LIMD2: variants seen among roughly 807,000 people sequenced by gnomAD.
The protein encoded by LIMD2 is LIM domain-containing protein 2.
A neutral mutation model predicts 16.0 loss-of-function variants in LIMD2; 11 were observed. That is an observed-to-expected ratio of 0.69 (90% CI 0.43 to 1.14). The LOEUF is 1.14. Among genes scored for constraint, LIMD2 ranks in the 50% most tolerant of loss-of-function variants. LIMD2 has a pLI of 0.00. For missense variants in LIMD2, 168 were observed against 165.8 expected (o/e 1.01, Z -0.07); for synonymous variants, 60 against 67.1 (o/e 0.89, Z 0.52).
At chr17:63,700,128 C>T (rs1294457473), upstream of LIMD2, 1 of 984,772 alleles carries the variant, frequency 1.0e-6, no homozygotes, top group Non-Finnish European at 1.2e-6. This position sits in a 1 kb window ranked among gnomAD's most constrained non-coding sequence, Gnocchi z 7.1. Flanking sequence ...CAGTGGTCCC[C>T]GAGCCACCGC....
In LIMD2 at chr17:63,698,294, G is replaced by A; in HGVS notation, c.*258C>T. On this transcript the variant is annotated 3_prime_UTR_variant, in exon 5 of 5. Transcript: ENST00000259006. The stretch of plus-strand genomic sequence containing the variant: ...GGGGCCTCCCAGGGGGTCCTGGGGT[G>A]AGGTGGGGAGGGAGGCTGAACGAAG... The A allele has an allele frequency of 1.9e-6, 1 of 530,824 alleles. No homozygotes were observed. Among genetic ancestry groups the A allele is most frequent in the Non-Finnish European group, 3.4e-6 (1 of 297,252 alleles). 32.9% of individuals were successfully genotyped at this position (530,824 alleles called of 1,614,324 possible). A position where few individuals can be genotyped will look rare whatever the true frequency, so the allele number is the denominator to read the frequency against.
At position 63,699,544 on chromosome 17, in the gene LIMD2, G is replaced by A. The variant is rs943986276; in HGVS notation, c.-50-196C>T. 24 of 526,030 alleles carry A rather than the reference G, an allele frequency of 4.6e-5. No homozygotes were observed. In the East Asian group the frequency reaches 8.1e-4, roughly 18 times the overall value. 32.6% of individuals were successfully genotyped at this position (526,030 alleles called of 1,614,324 possible). The stretch of plus-strand genomic sequence containing the variant: ...CTCCCCAGGGGCCGGGGTCCCGAGT[G>A]GCACCGTCCCTCGGAAGAACAAAGT... On this transcript the variant is annotated intron_variant, in intron 1 of 4. Coordinates refer to ENST00000259006, the MANE Select transcript of LIMD2 (RefSeq NM_030576.4).
chr17:63,699,226 G>T, intron 2 of LIMD2, 31 bp downstream of exon 2: 1 of 1,609,216 alleles, frequency 6.2e-7, no homozygotes, highest in Non-Finnish European at 8.5e-7. Flanking sequence ...GCTCCTGTCC[G>T]GGGGGCCCTC....
In LIMD2 at chr17:63,698,704, T is replaced by C. The variant is rs747754379; in HGVS notation, c.232A>G (p.Ser78Gly). The change falls in exon 5 of 5, where the codon AGC becomes GGC. Residue 78 changes from serine (S) to glycine (G), a missense_variant. By Grantham distance (56) the Ser-to-Gly change is moderately conservative (BLOSUM62 0). Transcript: ENST00000259006. ...AACTCCCCGTGCAGCGCGGCGTAGC[T>C]GCCCAGGCTGCAGAAGCCAAACAAC... ...KHCHTKLSLGSYAALHGEFYC... is the reference protein window; with the variant it reads ...KHCHTKLSLGGYAALHGEFYC... 1 of 1,606,330 alleles carries C rather than the reference T, an allele frequency of 6.2e-7. No individual in the cohort carries two copies. The highest frequency in any genetic ancestry group is 8.5e-7 in the Non-Finnish European group (1 of 1,176,614).
Position 63,700,078 on chromosome 17 carries a change from C to G in LIMD2, c.-97G>C. ...GGCGGGATCGGTCTCCGGGGGCGCA[C>G]GGGTACGAGGAGGGCGCGGGCGCGA... On this transcript the variant is annotated 5_prime_UTR_variant, in exon 1 of 5. Transcript: ENST00000259006. This position sits in a 1 kb window ranked among gnomAD's most constrained non-coding sequence, Gnocchi z 7.1. 1 of 984,592 alleles carries G rather than the reference C, an allele frequency of 1.0e-6. No individual in the cohort carries two copies. The allele number at this position is 984,592 out of a possible 1,614,324, so 61.0% of individuals were successfully genotyped here.
Position 63,697,605 on chromosome 17 carries a change from C to T in LIMD2, c.*947G>A, listed in dbSNP as rs909724820. 3 of 152,262 alleles carry T rather than the reference C, an allele frequency of 2.0e-5. No individual in the cohort carries two copies. Among genetic ancestry groups the T allele is most frequent in the Non-Finnish European group, 4.4e-5 (3 of 68,112 alleles). 9.4% of individuals were successfully genotyped at this position (152,262 alleles called of 1,614,324 possible). The stretch of plus-strand genomic sequence containing the variant: ...TGAGGTGGAGTTTCAGTTCCAAAAC[C>T]ACTGTGGGTGTGACAGCATGAAGCC... On this transcript the variant is annotated 3_prime_UTR_variant, in exon 5 of 5. Coordinates refer to ENST00000259006, the MANE Select transcript of LIMD2 (RefSeq NM_030576.4).
chr17:63,699,817 A>G (rs2035758443), intron 1 of LIMD2: 1 of 659,424 alleles, frequency 1.5e-6, no homozygotes, highest in Non-Finnish European at 1.8e-6. Context: ...CCCCGCGAGG[A>G]CCGGACCCCA....
At position 63,698,636 on chromosome 17, in the gene LIMD2, G is replaced by C. The variant is rs1019657276; in HGVS notation, c.300C>G (p.Gly100=). 6.2e-7 allele frequency: 1 copy of C among 1,613,894 alleles called. No individual in the cohort carries two copies. The highest frequency in any genetic ancestry group is 8.5e-7 in the Non-Finnish European group (1 of 1,180,028). The change falls in exon 5 of 5, where the codon GGC becomes GGG. Residue 100 remains glycine, a synonymous_variant. Transcript: ENST00000259006. ...PHFQQLFKSK[G]NYDEGFGRKQ... The stretch of plus-strand genomic sequence containing the variant: ...TGCGGCCAAACCCCTCGTCGTAGTT[G>C]CCTTTGCTCTTAAACAGCTGCTGGA...
rs376579306 is a variant in LIMD2, at chr17:63,698,665, G to A, written c.271C>T (p.His91Tyr). 15 of 1,613,668 alleles carry A rather than the reference G, an allele frequency of 9.3e-6. No homozygotes were observed. The African/African-American group carries it at 1.9e-4, about 20-fold the overall frequency. Residue 91 changes from histidine to tyrosine, a missense_variant, in exon 5 of 5, where the codon CAC (histidine) becomes TAC (tyrosine). Physicochemically the swap from His to Tyr is moderately conservative, Grantham distance 83. Transcript: ENST00000259006. ...TTGCTCTTAAACAGCTGCTGGAAGTGGGGTTTGCAGTAGAACTCCCCGTGC... is the reference window on the plus strand; with the variant it reads ...TTGCTCTTAAACAGCTGCTGGAAGTAGGGTTTGCAGTAGAACTCCCCGTGC... ...ALHGEFYCKP[H>Y]FQQLFKSKGN...
At chr17:63,700,270 C>T (rs911662609), upstream of LIMD2, 25 of 558,904 alleles carry the variant, frequency 4.5e-5, no homozygotes, top group Admixed American at 5.8e-4. The surrounding 1 kb of genome is among the most constrained non-coding windows in gnomAD (Gnocchi z 7.1). Flanking sequence ...CTTTGTCTTC[C>T]CCTCGCCGCC....
rs1218624616 is a variant in LIMD2, at chr17:63,698,020, G to A, written c.*532C>T. ...GGCAGGCCCTGCCTTGCCCTGCAGA[G>A]GCAGGGTGGCTCCACTTCCCCATCT... On this transcript the variant is annotated 3_prime_UTR_variant, in exon 5 of 5. Coordinates refer to ENST00000259006, the MANE Select transcript of LIMD2 (RefSeq NM_030576.4). The A allele has an allele frequency of 6.3e-6, 1 of 157,956 alleles. No individual in the cohort carries two copies. Among genetic ancestry groups the A allele is most frequent in the African/African-American group, 2.4e-5 (1 of 41,492 alleles). The allele number at this position is 157,956 out of a possible 1,614,324, so 9.8% of individuals were successfully genotyped here.
chr17:63,699,848 C>T (rs1402256168), intron 1 of LIMD2, 184 bp downstream of exon 1: 1 of 984,200 alleles, frequency 1.0e-6, no homozygotes, highest in East Asian at 1.1e-4. Context: ...CCGCGAGCCC[C>T]GCCAGCGGGT....
intron 3 of LIMD2, 42 bp from the exon 4 acceptor site, chr17:63,698,980 C>T: frequency 6.2e-7 from 1 of 1,611,176 alleles, no homozygotes; most frequent in Non-Finnish European, 8.5e-7. Context: ...AGTGCTCATC[C>T]CGCTCCCTCA....
chr17:63,699,106 G>T, intron 2 of LIMD2, 37 bp from the exon 3 acceptor site: 1 of 1,586,416 alleles, frequency 6.3e-7, no homozygotes, highest in Non-Finnish European at 8.6e-7. Context: ...GGGCAGCTCC[G>T]GGAGGCCCTG....
At position 63,699,356 on chromosome 17, in the gene LIMD2, G is replaced by A. The variant is rs2035748511; in HGVS notation, c.-50-8C>T. The A allele has an allele frequency of 6.4e-7, 1 of 1,555,338 alleles. No individual in the cohort carries two copies. The highest frequency in any genetic ancestry group is 2.3e-5 in the East Asian group (1 of 43,832). The stretch of plus-strand genomic sequence containing the variant: ...AGCGGCACCCGCTGGGTTCTGCAAG[G>A]GGAAGTCAGTCGGGAGGGCCCCGCC... On this transcript the variant is annotated splice_polypyrimidine_tract_variant and splice_region_variant and intron_variant, in intron 1 of 4. Transcript: ENST00000259006.
Position 63,698,180 on chromosome 17 carries a change from C to T in LIMD2, c.*372G>A. On this transcript the variant is annotated 3_prime_UTR_variant, in exon 5 of 5. Coordinates refer to ENST00000259006, the MANE Select transcript of LIMD2 (RefSeq NM_030576.4). ...GGGAGACGTGGGGGCCACACAGTCT[C>T]CGGTGGCAGTGAGGGAGCTTGGGAC... 1 of 260,940 alleles carries T rather than the reference C, an allele frequency of 3.8e-6. No individual in the cohort carries two copies. Among genetic ancestry groups the T allele is most frequent in the Non-Finnish European group, 7.5e-6 (1 of 132,730 alleles). 16.2% of individuals were successfully genotyped at this position (260,940 alleles called of 1,614,324 possible).
rs781293261 is a variant in LIMD2 at position 63,698,540 on chromosome 17, G to A, written c.*12C>T. The stretch of plus-strand genomic sequence containing the variant: ...AGGCCTTCCGCAGAGGGGGTGGAAG[G>A]TTACAGAGGCCTCAGGCCGTCTTGG... On this transcript the variant is annotated 3_prime_UTR_variant, in exon 5 of 5. Coordinates refer to ENST00000259006, the MANE Select transcript of LIMD2 (RefSeq NM_030576.4). 3 of 1,612,904 alleles carry A rather than the reference G, an allele frequency of 1.9e-6. No individual in the cohort carries two copies. Among genetic ancestry groups the A allele is most frequent in the Non-Finnish European group, 2.5e-6 (3 of 1,179,770 alleles).
chr17:63,698,650 A>G lies in LIMD2; in HGVS notation c.286T>C (p.Phe96Leu). Residue 96 changes from phenylalanine to leucine, a missense_variant, in exon 5 of 5, where the codon TTT (phenylalanine) becomes CTT (leucine). Coordinates refer to ENST00000259006, the MANE Select transcript of LIMD2 (RefSeq NM_030576.4). ...FYCKPHFQQL[F>L]KSKGNYDEGF... Reference sequence around the variant, plus strand: ...TCGTCGTAGTTGCCTTTGCTCTTAAACAGCTGCTGGAAGTGGGGTTTGCAG... The same window carrying G: ...TCGTCGTAGTTGCCTTTGCTCTTAAGCAGCTGCTGGAAGTGGGGTTTGCAG... 1 of 1,613,750 alleles carries G rather than the reference A, an allele frequency of 6.2e-7. No homozygotes were observed. Among genetic ancestry groups the G allele is most frequent in the Non-Finnish European group, 8.5e-7 (1 of 1,179,986 alleles).
rs904813604 is a variant in LIMD2 at position 63,697,912 on chromosome 17, A to G, written c.*640T>C. ...GAGTGGGGCCGCACCAGCCCCTGCC[A>G]GTGCCTGAGGCTGCAGCCTGGCGAG... On this transcript the variant is annotated 3_prime_UTR_variant, in exon 5 of 5. Coordinates refer to ENST00000259006, the MANE Select transcript of LIMD2 (RefSeq NM_030576.4). 3 of 153,136 alleles carry G rather than the reference A, an allele frequency of 2.0e-5. No individual in the cohort carries two copies. Among genetic ancestry groups the G allele is most frequent in the Admixed American group, 6.5e-5 (1 of 15,354 alleles). The allele number at this position is 153,136 out of a possible 1,614,324, so 9.5% of individuals were successfully genotyped here. A position where few individuals can be genotyped will look rare whatever the true frequency, so the allele number is the denominator to read the frequency against.
Sources: gnomAD v4.1 joint callset for allele counts on GRCh38, gnomAD v4.1.1 for gene constraint, Gnocchi (gnomAD v3.1) non-coding constraint, MANE v1.5 for transcripts, NCBI Gene and HGNC (gene_info 2026-07-23, HGNC 2026-07-21) for gene names.